Variants in KCNG4 observed in about 807,000 individuals in gnomAD.
KCNG4 encodes the protein potassium voltage-gated channel modifier subfamily G member 4.
A neutral mutation model predicts 28.2 loss-of-function variants in KCNG4; 30 were observed. The observed-to-expected ratio is 1.06, with a 90% CI of 0.80 to 1.44. The LOEUF is 1.44. Ranked by LOEUF, KCNG4 falls within the 40% of genes most tolerant of loss-of-function variation. The pLI is 0.00. For synonymous variants in KCNG4, 375 were observed against 315.5 expected (o/e 1.19, Z -2.00); for missense variants, 879 against 712.3 (o/e 1.23, Z -2.66).
chr16:84,237,552 C>A (rs3803640), intron 1 of KCNG4, 27 bp from the exon 2 acceptor site: 227,380 of 1,399,778 alleles, frequency 0.16, 20,964 homozygotes, highest in East Asian at 0.41. Context: ...AAAGAGCAAG[C>A]AAAAGGAAGG....
intron 2 of KCNG4, among the ~76,000 whole-genome samples, chr16:84,233,171 T>C (rs1219343531): frequency 6.6e-6 from 1 of 152,146 alleles, no homozygotes; most frequent in African/African-American, 2.4e-5. Context: ...CATGACCCCT[T>C]GAGGGAAGTG....
intron 1 of KCNG4, 55 bp from the exon 2 acceptor site, chr16:84,237,580 A>G (rs1905005778): frequency 7.7e-7 from 1 of 1,295,188 alleles, no homozygotes; most frequent in Non-Finnish European, 1.0e-6. Context: ...GTCTTGGGGC[A>G]AAGAGTCCTG....
chr16:84,222,920 T>C lies in KCNG4; in HGVS notation c.857A>G (p.Asp286Gly), dbSNP rs757041836. The C allele has an allele frequency of 6.2e-7, 1 of 1,610,258 alleles. No individual in the cohort carries two copies. The highest frequency in any genetic ancestry group is 8.5e-7 in the Non-Finnish European group (1 of 1,177,558). The change falls in exon 3 of 3, where the codon GAC becomes GGC. Residue 286 changes from aspartate to glycine, a missense_variant. Asp to Gly is a moderately conservative substitution (Grantham distance 94, BLOSUM62 -1). Transcript: ENST00000308251. ...GGGCCCCTGGAAGAACTGACACTTGTCTTGGGCCTGGACAAACCGCAGGCA... is the reference window on the plus strand; with the variant it reads ...GGGCCCCTGGAAGAACTGACACTTGCCTTGGGCCTGGACAAACCGCAGGCA... ...EFCLRFVQAQ[D>G]KCQFFQGPLN...
chr16:84,230,399 T>C (rs1387051622), intron 2 of KCNG4, among the ~76,000 whole-genome samples: 1 of 49,518 alleles, frequency 2.0e-5, no homozygotes, highest in Non-Finnish European at 3.5e-5. Flanking sequence ...TGAGACTTCA[T>C]CTCAAAAAAA....
intron 2 of KCNG4, among the ~76,000 whole-genome samples, chr16:84,235,149 G>A (rs924307217): frequency 6.6e-6 from 1 of 152,128 alleles, no homozygotes; most frequent in Non-Finnish European, 1.5e-5. Flanking sequence ...GTTAAGCCAG[G>A]CCTGGGTTCA....
chr16:84,223,046 G>C (rs753824990), intron 2 of KCNG4, 26 bp from the exon 3 acceptor site: 2 of 1,499,832 alleles, frequency 1.3e-6, no homozygotes, highest in Admixed American at 2.3e-5. Flanking sequence ...GCAACAACGC[G>C]GGGTAGAGAG....
intron 2 of KCNG4, among the ~76,000 whole-genome samples, chr16:84,233,192 C>G (rs1039777837): frequency 6.6e-6 from 1 of 152,108 alleles, no homozygotes; most frequent in Non-Finnish European, 1.5e-5. Context: ...CTTAGAGCAC[C>G]CCCATTTCAT....
At chr16:84,231,779 G>C (rs894685133) in intron 2 of KCNG4, among the ~76,000 whole-genome samples, 1 of 152,034 alleles carries the variant, frequency 6.6e-6, no homozygotes, top group African/African-American at 2.4e-5. Flanking sequence ...AGAGGAGGGC[G>C]GATCACCTGA....
In KCNG4 at chr16:84,221,887, TCCAG is replaced by T. The variant is rs748819998; in HGVS notation, c.*326_*329del. The T allele has an allele frequency of 1.6e-3, 545 of 337,448 alleles. 1 individual carries two copies. Among genetic ancestry groups the T allele is most frequent in the Admixed American group, 2.4e-3 (51 of 21,584 alleles). 20.9% of individuals were successfully genotyped at this position (337,448 alleles called of 1,614,324 possible). A position where few individuals can be genotyped will look rare whatever the true frequency, so the allele number is the denominator to read the frequency against. ...CCAATGGTTACCAGTTCTATGGGCA[TCCAG>T]AACCCAGCCTGGGATGTTAAAGCCT... On this transcript the variant is annotated 3_prime_UTR_variant, in exon 3 of 3. Coordinates refer to ENST00000308251, the MANE Select transcript of KCNG4 (RefSeq NM_172347.3).
intron 1 of KCNG4, among the ~76,000 whole-genome samples, chr16:84,238,597 C>A (rs1905033163): frequency 6.6e-6 from 1 of 152,188 alleles, no homozygotes; most frequent in Non-Finnish European, 1.5e-5. Flanking sequence ...GGGCCTCCAG[C>A]CGCAGTGGTT....
chr16:84,233,390 A>G (rs1165917088), intron 2 of KCNG4, among the ~76,000 whole-genome samples: 1 of 152,172 alleles, frequency 6.6e-6, no homozygotes, highest in Non-Finnish European at 1.5e-5. Context: ...GTTCTAGACT[A>G]GAGGCGAAGT....
chr16:84,222,587 C>G lies in KCNG4; in HGVS notation c.1190G>C (p.Gly397Ala). The G allele has an allele frequency of 1.2e-6, 2 of 1,613,254 alleles. No individual in the cohort carries two copies. The highest frequency in any genetic ancestry group is 2.2e-5 in the South Asian group (2 of 91,074). Residue 397 changes from glycine (G) to alanine (A), a missense_variant, in exon 3 of 3, where the codon GGG (glycine) becomes GCG (alanine). By Grantham distance (60) the Gly-to-Ala change is moderately conservative. Transcript: ENST00000308251. ...PLVYVAEKES[G>A]RVLEFTSIPA... is the part of the protein sequence containing the mutation. ...GATGCTGGTGAACTCCAGCACCCGC[C>G]CGGACTCCTTCTCGGCCACGTAGAC... is the stretch of plus-strand genomic sequence containing the variant.
chr16:84,220,259 A>G lies in KCNG4; in HGVS notation c.*1958T>C, dbSNP rs780218091. 2.0e-5 allele frequency: 3 copies of G among 152,110 alleles called. No individual in the cohort carries two copies. The highest frequency in any genetic ancestry group is 4.4e-5 in the Non-Finnish European group (3 of 68,030). The allele number at this position is 152,110 out of a possible 1,614,324, so 9.4% of individuals were successfully genotyped here. A position where few individuals can be genotyped will look rare whatever the true frequency, so the allele number is the denominator to read the frequency against. On this transcript the variant is annotated 3_prime_UTR_variant, in exon 3 of 3. Transcript: ENST00000308251. ...AAGGGGCTTTCCTTGTGTCATGGCC[A>G]CTGAACCACTATGTCACCTGGTGAC...
At position 84,221,497 on chromosome 16, in the gene KCNG4, C is replaced by T. The variant is rs1387435572; in HGVS notation, c.*720G>A. The T allele has an allele frequency of 6.6e-6, 1 of 150,528 alleles. No individual in the cohort carries two copies. The highest frequency in any genetic ancestry group is 2.5e-5 in the African/African-American group (1 of 39,890). 9.3% of individuals were successfully genotyped at this position (150,528 alleles called of 1,614,324 possible). ...GAGTTTCTGCCCAGGTCCCAGGTCC[C>T]AGGTCCCAGGTCACAGATCCCAGGC... On this transcript the variant is annotated 3_prime_UTR_variant, in exon 3 of 3. Transcript: ENST00000308251.
chr16:84,223,770 T>C (rs1412520263), intron 2 of KCNG4, among the ~76,000 whole-genome samples: 1 of 152,166 alleles, frequency 6.6e-6, no homozygotes, highest in Non-Finnish European at 1.5e-5. Flanking sequence ...CCCTCATTCA[T>C]TTAGCTAACA....
chr16:84,227,605 A>G (rs1904727221), intron 2 of KCNG4, among the ~76,000 whole-genome samples: 1 of 152,116 alleles, frequency 6.6e-6, no homozygotes, highest in Non-Finnish European at 1.5e-5. Flanking sequence ...ACAAAACCCA[A>G]AAAAACTTGT....
At chr16:84,229,341 A>T (rs1417877085) in intron 2 of KCNG4, among the ~76,000 whole-genome samples, 1 of 152,066 alleles carries the variant, frequency 6.6e-6, no homozygotes, top group Non-Finnish European at 1.5e-5. Context: ...GAGCATTACT[A>T]GCTTAGCTGC....
At chr16:84,230,268 G>T (rs921996257) in intron 2 of KCNG4, among the ~76,000 whole-genome samples, 21 of 152,140 alleles carry the variant, frequency 1.4e-4, no homozygotes, top group Non-Finnish European at 3.1e-4. Flanking sequence ...AGCTGGGCAT[G>T]GTGGTGGGCG....
In KCNG4 at chr16:84,237,125, C is replaced by G. The variant is rs775641061; in HGVS notation, c.361G>C (p.Gly121Arg). ...GCCGCCAGGAAGCTCACGATCACCCCGAAGGCGCTGGGGCTCCTGTCGAAG... is the reference window on the plus strand; with the variant it reads ...GCCGCCAGGAAGCTCACGATCACCCGGAAGGCGCTGGGGCTCCTGTCGAAG... The part of the protein sequence containing the change: ...FFFDRSPSAF[G>R]VIVSFLAAGK... The change falls in exon 2 of 3, where the codon GGG (glycine) becomes CGG (arginine). Residue 121 changes from glycine to arginine, a missense_variant. Physicochemically the swap from Gly to Arg is moderately radical, Grantham distance 125. Coordinates refer to ENST00000308251, the MANE Select transcript of KCNG4 (RefSeq NM_172347.3). 79 of 1,614,028 alleles carry G rather than the reference C, an allele frequency of 4.9e-5. No individual in the cohort carries two copies. Among genetic ancestry groups the G allele is most frequent in the Non-Finnish European group, 6.5e-5 (77 of 1,180,036 alleles).
Sources: gnomAD v4.1 joint callset for allele counts (sites outside exome capture counted in the v4.1 genomes callset) on GRCh38, gnomAD v4.1.1 for gene constraint, MANE v1.5 for transcripts, NCBI Gene and HGNC (gene_info 2026-07-23, HGNC 2026-07-21) for gene names.